Variants in PRSS36 observed in about 807,000 individuals in gnomAD.
PRSS36 encodes the protein serine protease 36.
PRSS36 carries 90 observed loss-of-function variants against 94.3 expected under a neutral mutation model. That is an observed-to-expected ratio of 0.95 (90% CI 0.80 to 1.14). The LOEUF is 1.14. PRSS36 is among the 50% of genes most tolerant of loss of function. PRSS36 has a pLI of 0.00. For missense variants in PRSS36, 1,158 were observed against 1,135.0 expected, an observed-to-expected ratio of 1.02 and a Z score of -0.29; for synonymous variants, 500 against 489.6, an observed-to-expected ratio of 1.02 and a Z score of -0.28.
At chr16:31,147,837 G>A (rs1390720327) in intron 5 of PRSS36, among the ~76,000 whole-genome samples, 2 of 152,074 alleles carry the variant, frequency 1.3e-5, no homozygotes, top group Non-Finnish European at 2.9e-5. Flanking sequence ...AGAGGAAGGC[G>A]GATGGGAGGG....
chr16:31,142,560 G>A lies in PRSS36; in HGVS notation c.1442C>T (p.Ala481Val). ...WCHCLYGRQG[A>V]AVPLPGDPPH... ...CGGGTCTCCGGGCAGCGGTACTGCC[G>A]CCCCCTGGCGGCCGTACAGGCAGTG... is the stretch of plus-strand genomic sequence containing the variant. Residue 481 changes from alanine (A) to valine (V), a missense_variant, in exon 10 of 15, where the codon GCG becomes GTG. Coordinates refer to ENST00000268281, the MANE Select transcript of PRSS36 (RefSeq NM_173502.5). The A allele has an allele frequency of 6.6e-7, 1 of 1,525,590 alleles. No individual in the cohort carries two copies. Among genetic ancestry groups the A allele is most frequent in the Non-Finnish European group, 8.8e-7 (1 of 1,140,574 alleles). The allele number at this position is 1,525,590 out of a possible 1,614,324, so 94.5% of individuals were successfully genotyped here.
At chr16:31,140,167 G>C (rs1018600208) in intron 14 of PRSS36, 127 bp downstream of exon 14, 1 of 1,030,968 alleles carries the variant, frequency 9.7e-7, no homozygotes, top group African/African-American at 1.6e-5. Context: ...CTCCAGCTGG[G>C]GGACAGAGTG....
At chr16:31,145,618 G>A (rs1053960542) in intron 6 of PRSS36, among the ~76,000 whole-genome samples, 171 bp downstream of exon 6, 3 of 152,156 alleles carry the variant, frequency 2.0e-5, no homozygotes, top group East Asian at 1.9e-4. Flanking sequence ...CAGCCTGGAC[G>A]ACAAAGTGAG....
intron 5 of PRSS36, among the ~76,000 whole-genome samples, chr16:31,146,450 G>A (rs1454681423): frequency 6.6e-6 from 1 of 152,174 alleles, no homozygotes; most frequent in Non-Finnish European, 1.5e-5. Flanking sequence ...CACTAGTTGA[G>A]GCTGCATAGC....
At chr16:31,145,125 T>C (rs1417018146) in intron 6 of PRSS36, among the ~76,000 whole-genome samples, 1 of 151,314 alleles carries the variant, frequency 6.6e-6, no homozygotes, top group Non-Finnish European at 1.5e-5. Context: ...ATCCCAGCAC[T>C]TTGGGAGGCT....
Position 31,149,180 on chromosome 16 carries a change from C to T in PRSS36, c.165G>A (p.Pro55=), listed in dbSNP as rs1256911316. ...GGCTCACTTGCCAAGGCCAGGTGCC[C>T]GGCTGCGCGTTTGAGCCCCCCACGA... ...ARIVGGSNAQ[P]GTWPWQVSLH... The change falls in exon 4 of 15, where the codon CCG becomes CCA. Residue 55 remains proline (P), a synonymous_variant. Transcript: ENST00000268281. The T allele has an allele frequency of 1.9e-6, 3 of 1,571,698 alleles. No homozygotes were observed. The highest frequency in any genetic ancestry group is 2.3e-5 in the East Asian group (1 of 43,178).
intron 5 of PRSS36, 120 bp from the exon 6 acceptor site, chr16:31,146,075 C>A: frequency 1.2e-6 from 1 of 818,970 alleles, no homozygotes; most frequent in Middle Eastern, 3.4e-4. Flanking sequence ...CATGGCCTCT[C>A]AGCCCACCAC....
In PRSS36 at chr16:31,142,877, T is replaced by A; in HGVS notation, c.1217A>T (p.Asp406Val). ...RLVQHENASW[D>V]NASDLALLQL... ...CAGCAGCGCCAGGTCCGAGGCGTTGTCCCACGAAGCGTTCTCGTGCTGCAC... is the reference window on the plus strand; with the variant it reads ...CAGCAGCGCCAGGTCCGAGGCGTTGACCCACGAAGCGTTCTCGTGCTGCAC... Residue 406 changes from aspartate to valine, a missense_variant, in exon 9 of 15, where the codon GAC becomes GTC. Physicochemically the swap from Asp to Val is radical, Grantham distance 152 (BLOSUM62 -3). Transcript: ENST00000268281. 1.9e-6 allele frequency: 3 copies of A among 1,560,900 alleles called. No homozygotes were observed. The highest frequency in any genetic ancestry group is 2.6e-6 in the Non-Finnish European group (3 of 1,158,556).
chr16:31,144,600 C>A (rs1379263867), intron 6 of PRSS36, among the ~76,000 whole-genome samples: 1 of 152,216 alleles, frequency 6.6e-6, no homozygotes, highest in Non-Finnish European at 1.5e-5. Context: ...TGAGTCACTG[C>A]TCCTGGCTAT....
rs2057688110 is a variant in PRSS36, at chr16:31,141,478, C to T, written c.1892G>A (p.Cys631Tyr). ...APGWVLAATH[C>Y]VLRPGSTTVP... ...GACGAGTGAGACCCACCTGAGGACA[C>T]AGTGAGTGGCTGCCAGGACCCAGCC... is the stretch of plus-strand genomic sequence containing the variant. Residue 631 changes from cysteine to tyrosine, a missense_variant, in exon 12 of 15, where the codon TGT becomes TAT. Cys to Tyr is a radical substitution (Grantham distance 194). Transcript: ENST00000268281. 3.1e-6 allele frequency: 5 copies of T among 1,611,460 alleles called. No individual in the cohort carries two copies. Among genetic ancestry groups the T allele is most frequent in the Non-Finnish European group, 4.2e-6 (5 of 1,179,344 alleles).
Position 31,141,917 on chromosome 16 carries a change from C to T in PRSS36, c.1565G>A (p.Trp522Ter). 1 of 1,614,180 alleles carries T rather than the reference C, an allele frequency of 6.2e-7. No homozygotes were observed. The highest frequency in any genetic ancestry group is 8.5e-7 in the Non-Finnish European group (1 of 1,180,016). The change falls in exon 11 of 15, where the codon TGG becomes TAG. Residue 522 changes from tryptophan (W) to a stop codon, truncating the protein, a stop_gained. Coordinates refer to ENST00000268281, the MANE Select transcript of PRSS36 (RefSeq NM_173502.5). LOFTEE classifies it high-confidence loss of function. ...WSLLCQEEGT[W>*]FLAGIRDFPS... is the part of the protein sequence containing the mutation. ...AAAGTCTCTGATTCCAGCCAGAAAC[C>T]AGGTCCCCTCCTCCTGGCACAAAAG...
intron 5 of PRSS36, among the ~76,000 whole-genome samples, chr16:31,147,547 G>C (rs1048335518): frequency 6.6e-6 from 1 of 152,182 alleles, no homozygotes; most frequent in African/African-American, 2.4e-5. Context: ...TGATGGGGAT[G>C]ATGGGGATGG....
In PRSS36 at chr16:31,149,399, C is replaced by G. The variant is rs980187869; in HGVS notation, c.109+64G>C. 4 of 1,592,698 alleles carry G rather than the reference C, an allele frequency of 2.5e-6. No homozygotes were observed. In the African/African-American group the frequency reaches 4.0e-5, roughly 16 times the overall value. ...TCTACATTTCTGGTCTTTTCCACCT[C>G]CCTCATGGCCTGACCAGCCTTAGCC... On this transcript the variant is annotated intron_variant, in intron 3 of 14. Coordinates refer to ENST00000268281, the MANE Select transcript of PRSS36 (RefSeq NM_173502.5).
intron 12 of PRSS36, among the ~76,000 whole-genome samples, chr16:31,141,192 G>C (rs1200478227): frequency 6.6e-6 from 1 of 152,102 alleles, no homozygotes; most frequent in Non-Finnish European, 1.5e-5. Flanking sequence ...AAAGTGCTAG[G>C]ATTACAGGTG....
Position 31,139,052 on chromosome 16 carries a change from T to TA in PRSS36, c.*85_*86insT. On this transcript the variant is annotated 3_prime_UTR_variant, in exon 15 of 15. Coordinates refer to ENST00000268281, the MANE Select transcript of PRSS36 (RefSeq NM_173502.5). Reference sequence around the variant, plus strand: ...ATCTCGGTGGGTGGGGCCCTTGAGGTTCCAGCCGGCTGGGCCACATTCCAG... The same window carrying TA: ...ATCTCGGTGGGTGGGGCCCTTGAGGTATCCAGCCGGCTGGGCCACATTCCAG... 1.4e-5 allele frequency: 19 copies of TA among 1,398,648 alleles called. No individual in the cohort carries two copies. The highest frequency in any genetic ancestry group is 5.0e-5 in the Admixed American group (2 of 40,098). 86.6% of individuals were successfully genotyped at this position (1,398,648 alleles called of 1,614,324 possible).
At position 31,140,624 on chromosome 16, in the gene PRSS36, G is replaced by T. The variant is rs757170049; in HGVS notation, c.2035C>A (p.Pro679Thr). Residue 679 changes from proline to threonine, a missense_variant, in exon 13 of 15, where the codon CCC becomes ACC. Coordinates refer to ENST00000268281, the MANE Select transcript of PRSS36 (RefSeq NM_173502.5). ...GAGCTCAGCTCCAGGAGGGCCAGGG[G>T]GGGCCTGAGTCCCAGGTGCTGGGGC... ...RLPQHLGLRP[P>T]LALLELSSRV... 1.9e-6 allele frequency: 3 copies of T among 1,612,604 alleles called. No homozygotes were observed. The highest frequency in any genetic ancestry group is 1.7e-4 in the Middle Eastern group (1 of 6,050).
chr16:31,139,449 C>A, intron 14 of PRSS36, 33 bp from the exon 15 acceptor site: 3 of 1,594,048 alleles, frequency 1.9e-6, no homozygotes, highest in Non-Finnish European at 2.6e-6. Flanking sequence ...CGTGGGTCTG[C>A]TGCCCTTCCT....
intron 5 of PRSS36, among the ~76,000 whole-genome samples, chr16:31,146,513 T>C (rs142050694): frequency 3.9e-5 from 6 of 152,252 alleles, no homozygotes; most frequent in African/African-American, 9.6e-5. Context: ...ACTTCAGCAA[T>C]GAAGAGGAAT....
chr16:31,148,672 ATTCCTGCGCTCG>A lies in PRSS36; in HGVS notation c.273-9_275del, dbSNP rs2057841264. ...ACTCGGCCGCGGGCTCCAGCGTCCC[ATTCCTGCGCTCG>A]ACCGGGGCAGTAGGAGGTTAGGTTG... On this transcript the variant is annotated splice_acceptor_variant and splice_polypyrimidine_tract_variant and coding_sequence_variant and intron_variant, in exon 5 of 15. Transcript: ENST00000268281. LOFTEE classifies it high-confidence loss of function. 1.9e-6 allele frequency: 3 copies of A among 1,612,382 alleles called. No individual in the cohort carries two copies. In the East Asian group the frequency reaches 6.7e-5, roughly 36 times the overall value.
Sources: allele counts gnomAD v4.1 joint callset (sites outside exome capture counted in the v4.1 genomes callset), GRCh38; gene constraint gnomAD v4.1.1; transcripts MANE v1.5; gene names NCBI Gene and HGNC (gene_info 2026-07-23, HGNC 2026-07-21).